The following NCKAP5 variants were observed in gnomAD, a reference collection of about 807,000 sequenced individuals.
NCKAP5 encodes the protein nck-associated protein 5.
In NCKAP5, 92 loss-of-function variants were observed where a neutral mutation model predicts 167.0. The observed-to-expected ratio is 0.55, with a 90% confidence interval of 0.47 to 0.66. The LOEUF (loss-of-function observed/expected upper bound fraction) is 0.66, where lower values mean the gene tolerates loss of function less well. Ranked by LOEUF, NCKAP5 falls within the 30% of genes least tolerant of loss-of-function variation. The pLI, the probability that NCKAP5 is intolerant of heterozygous loss-of-function variation, is 0.00. For synonymous variants in NCKAP5, 891 were observed against 877.4 expected (o/e 1.02, Z -0.27); for missense variants, 2,378 against 2,315.0 (o/e 1.03, Z -0.56).
chr2:132,962,107 C>G (rs1381593260), intron 8 of NCKAP5, among the ~76,000 whole-genome samples: 1 of 152,198 alleles, frequency 6.6e-6, no homozygotes, highest in Non-Finnish European at 1.5e-5. Flanking sequence ...AAGCTACTTG[C>G]TTACCTGTCT....
intron 3 of NCKAP5, among the ~76,000 whole-genome samples, chr2:133,373,720 G>A (rs1029523640): frequency 3.9e-5 from 6 of 152,182 alleles, no homozygotes; most frequent in Admixed American, 3.3e-4. Context: ...TAGACAAATC[G>A]ATTAATGGGA....
At chr2:133,618,457 A>G in the NCKAP5 span, among the ~76,000 whole-genome samples, 1 of 150,828 alleles carries the variant, frequency 6.6e-6, no homozygotes, top group African/African-American at 2.4e-5. Flanking sequence ...CAAATTTACA[A>G]GAAAAAAACA....
intron 18 of NCKAP5, among the ~76,000 whole-genome samples, chr2:132,728,399 C>A (rs534168133): frequency 5.3e-5 from 8 of 152,206 alleles, no homozygotes; most frequent in Non-Finnish European, 1.0e-4. Flanking sequence ...GATTAGCCAT[C>A]CTTAAAAGCA....
intron 4 of NCKAP5, among the ~76,000 whole-genome samples, chr2:133,256,639 GA>G (rs2088633099): frequency 6.6e-6 from 1 of 152,100 alleles, no homozygotes. Context: ...CACCTAATTA[GA>G]AAATGAATGT....
At chr2:133,221,318 AG>A (rs2086655086) in intron 4 of NCKAP5, among the ~76,000 whole-genome samples, 1 of 152,222 alleles carries the variant, frequency 6.6e-6, no homozygotes, top group African/African-American at 2.4e-5. Flanking sequence ...GGTTCATGTT[AG>A]TTTTGATTTT....
chr2:133,007,463 T>TC (rs1224174532), intron 6 of NCKAP5, among the ~76,000 whole-genome samples: 1 of 152,148 alleles, frequency 6.6e-6, no homozygotes, highest in Admixed American at 6.5e-5. Context: ...AGCACCTCTC[T>TC]CCAAGTTTCA....
At chr2:132,855,813 A>G (rs530139830) in intron 11 of NCKAP5, among the ~76,000 whole-genome samples, 1 of 152,246 alleles carries the variant, frequency 6.6e-6, no homozygotes, top group African/African-American at 2.4e-5. Flanking sequence ...CTTCAACTAC[A>G]TATATGTGAA....
At chr2:133,425,737 G>C (rs988597492) in intron 3 of NCKAP5, among the ~76,000 whole-genome samples, 1 of 152,260 alleles carries the variant, frequency 6.6e-6, no homozygotes, top group Non-Finnish European at 1.5e-5. Context: ...TTTCAAATGG[G>C]GAGTCAGAAG....
At chr2:133,441,106 A>T (rs956137402) in intron 3 of NCKAP5, among the ~76,000 whole-genome samples, 12 of 152,068 alleles carry the variant, frequency 7.9e-5, no homozygotes, top group Admixed American at 3.3e-4. Flanking sequence ...ACACACACAC[A>T]CACACACACA....
chr2:132,873,565 T>C (rs984340376), intron 9 of NCKAP5, among the ~76,000 whole-genome samples: 14 of 152,182 alleles, frequency 9.2e-5, no homozygotes, highest in Admixed American at 6.5e-5. Flanking sequence ...TGTGAAACAA[T>C]CCTGTAAGAT....
intron 12 of NCKAP5, among the ~76,000 whole-genome samples, 152 bp from the exon 13 acceptor site, chr2:132,790,357 T>C (rs1683964550): frequency 6.6e-6 from 1 of 152,134 alleles, no homozygotes; most frequent in African/African-American, 2.4e-5. Flanking sequence ...GAAAATCAGC[T>C]GAAAATGTAC....
At chr2:132,808,879 T>C (rs751628789) in intron 11 of NCKAP5, among the ~76,000 whole-genome samples, 2 of 152,114 alleles carry the variant, frequency 1.3e-5, no homozygotes, top group Non-Finnish European at 2.9e-5. Context: ...TTTGTGCCCT[T>C]TCAGTCTTTT....
At chr2:133,621,438 G>A in the NCKAP5 span, among the ~76,000 whole-genome samples, 2 of 151,874 alleles carry the variant, frequency 1.3e-5, no homozygotes, top group African/African-American at 2.4e-5. Flanking sequence ...TGAAATGAGA[G>A]CTATCACAAC....
chr2:132,856,785 G>A (rs1425249163), intron 11 of NCKAP5, among the ~76,000 whole-genome samples: 1 of 152,138 alleles, frequency 6.6e-6, no homozygotes, highest in African/African-American at 2.4e-5. Context: ...TCCTAGGTGA[G>A]CCAGTTAATT....
intron 3 of NCKAP5, among the ~76,000 whole-genome samples, chr2:133,354,503 T>C (rs1158723029): frequency 1.3e-5 from 2 of 152,136 alleles, no homozygotes; most frequent in African/African-American, 2.4e-5. Context: ...AAAATCCCCA[T>C]CAGGCTTGGC....
intron 6 of NCKAP5, among the ~76,000 whole-genome samples, chr2:133,044,800 T>C (rs1326463356): frequency 6.6e-6 from 1 of 152,184 alleles, no homozygotes; most frequent in Non-Finnish European, 1.5e-5. Context: ...CCAGGCATGT[T>C]GGCACATGCC....
the NCKAP5 span, among the ~76,000 whole-genome samples, chr2:133,614,703 G>T: frequency 6.6e-6 from 1 of 152,166 alleles, no homozygotes; most frequent in Non-Finnish European, 1.5e-5. Flanking sequence ...GGGGAGAACG[G>T]AACCAAGTTG....
intron 8 of NCKAP5, chr2:132,930,665 A>T (rs1197960101): frequency 6.6e-6 from 1 of 152,246 alleles, no homozygotes; most frequent in Non-Finnish European, 1.5e-5. Flanking sequence ...TGCAGATGGC[A>T]GATCATGGGA....
At chr2:133,172,223 T>C (rs1469950601) in intron 5 of NCKAP5, among the ~76,000 whole-genome samples, 1 of 152,212 alleles carries the variant, frequency 6.6e-6, no homozygotes, top group Non-Finnish European at 1.5e-5. Context: ...TAATGCACTA[T>C]GCTGCTTCCT....
Sources: allele counts gnomAD v4.1 joint callset (sites outside exome capture counted in the v4.1 genomes callset), GRCh38; gene constraint gnomAD v4.1.1; transcripts MANE v1.5; gene names NCBI Gene and HGNC (gene_info 2026-07-23, HGNC 2026-07-21).